The following PAK1 variants were observed in gnomAD, a reference collection of about 807,000 sequenced individuals.
PAK1 encodes p21 (RAC1) activated kinase 1.
A neutral mutation model predicts 67.4 loss-of-function variants in PAK1; 29 were observed. The ratio of observed to expected loss-of-function variants is 0.43; its 90% CI spans 0.32 to 0.59. The LOEUF is 0.59. Ranked by LOEUF, PAK1 falls within the 20% of genes least tolerant of loss-of-function variation. The probability of loss-of-function intolerance (pLI) is 0.07; values close to 1 mark genes in which losing one functional copy is unlikely to be tolerated. For missense variants in PAK1, 337 were observed against 670.7 expected (o/e 0.50, Z 5.50); for synonymous variants, 223 against 237.4 (o/e 0.94, Z 0.56).
intron 1 of PAK1, among the ~76,000 whole-genome samples, chr11:77,458,438 A>C (rs1278670228): frequency 6.6e-6 from 1 of 152,140 alleles, no homozygotes; most frequent in Non-Finnish European, 1.5e-5. Context: ...GTCATTACCC[A>C]CATTAATTCT....
the PAK1 span, among the ~76,000 whole-genome samples, chr11:77,491,125 T>TAAAAAAA: frequency 2.2e-5 from 1 of 44,602 alleles, no homozygotes; most frequent in Non-Finnish European, 5.0e-5. Context: ...GAATGATCAA[T>TAAAAAAA]AAAAAAAAAA....
chr11:77,454,404 C>G (rs1030963454), intron 1 of PAK1, among the ~76,000 whole-genome samples: 1 of 152,180 alleles, frequency 6.6e-6, no homozygotes, highest in African/African-American at 2.4e-5. Context: ...ACCTTGTGAG[C>G]TAGACATTCA....
At chr11:77,466,139 T>C (rs1417405659) in intron 1 of PAK1, among the ~76,000 whole-genome samples, 1 of 152,126 alleles carries the variant, frequency 6.6e-6, no homozygotes, top group African/African-American at 2.4e-5. Context: ...TCCCAGTGTA[T>C]CACAGAGAAA....
At chr11:77,513,670 C>CAAA in the PAK1 span, among the ~76,000 whole-genome samples, 26 of 52,938 alleles carry the variant, frequency 4.9e-4, no homozygotes, top group African/African-American at 1.7e-3. Flanking sequence ...GACTCTGTCT[C>CAAA]AAAAAAAAAA....
At chr11:77,375,757 C>A (rs575989325) in intron 4 of PAK1, among the ~76,000 whole-genome samples, 5 of 152,074 alleles carry the variant, frequency 3.3e-5, no homozygotes, top group Admixed American at 3.3e-4. Context: ...TTCTTTAATT[C>A]CCCTGGGTCC....
At chr11:77,502,801 T>A in the PAK1 span, among the ~76,000 whole-genome samples, 1 of 152,126 alleles carries the variant, frequency 6.6e-6, no homozygotes, top group Non-Finnish European at 1.5e-5. Flanking sequence ...ACATATCTGC[T>A]TGTAAGGACT....
At chr11:77,514,036 C>A in the PAK1 span, among the ~76,000 whole-genome samples, 7 of 152,080 alleles carry the variant, frequency 4.6e-5, no homozygotes, top group Non-Finnish European at 1.5e-5. Flanking sequence ...ATAACTTTCC[C>A]AAGGTCAAAC....
At chr11:77,490,271 C>G in the PAK1 span, among the ~76,000 whole-genome samples, 171 of 127,880 alleles carry the variant, frequency 1.3e-3, 3 homozygotes, top group African/African-American at 5.0e-3. Context: ...CGCCCCGTCT[C>G]AGAGGGAGGT....
At position 77,336,121 on chromosome 11, in the gene PAK1, C is replaced by T; in HGVS notation, c.1378G>A (p.Gly460Arg). Residue 460 changes from glycine to arginine, a missense_variant, in exon 13 of 15, where the codon GGG becomes AGG. This residue lies in a region of PAK1 where 71 missense variants were observed against 160.5 expected (regional missense o/e 0.44). Transcript: ENST00000356341. Reference protein sequence around the residue: ...LGIMAIEMIEGEPPYLNENPL... With the variant: ...LGIMAIEMIEREPPYLNENPL... ...TTTTCATTGAGGTATGGAGGCTCCC[C>T]TTCAATCATTTCGATGGCCATGATG... is the stretch of plus-strand genomic sequence containing the variant. 6.2e-7 allele frequency: 1 copy of T among 1,613,008 alleles called. No homozygotes were observed. Among genetic ancestry groups the T allele is most frequent in the Non-Finnish European group, 8.5e-7 (1 of 1,179,064 alleles).
chr11:77,349,955 A>G (rs1219966229), intron 8 of PAK1, among the ~76,000 whole-genome samples: 2 of 152,176 alleles, frequency 1.3e-5, no homozygotes, highest in African/African-American at 4.8e-5. Context: ...TACTGGTTAC[A>G]TAGGCGTGTT....
chr11:77,352,398 G>A lies in PAK1; in HGVS notation c.836+1138C>T, dbSNP rs114447707. Among the ~76,000 whole-genome samples, 1,213 of 152,306 alleles carry A rather than the reference G, an allele frequency of 8.0e-3. 21 individuals are homozygous for A. Among genetic ancestry groups the A allele is most frequent in the African/African-American group, 0.028 (1,165 of 41,574 alleles). On this transcript the variant is annotated intron_variant, in intron 8 of 14. Coordinates refer to ENST00000356341, the MANE Select transcript of PAK1 (RefSeq NM_002576.5). ...AGACAGTCATGTGTCACATAACGAC[G>A]TTTCAGTCAACGATGGACCGCATAT...
At chr11:77,466,426 AC>A (rs1846667919) in intron 1 of PAK1, among the ~76,000 whole-genome samples, 1 of 152,064 alleles carries the variant, frequency 6.6e-6, no homozygotes, top group South Asian at 2.1e-4. Flanking sequence ...ACACGGTGAA[AC>A]CCTGTCTCTA....
At chr11:77,474,392 G>T (rs979048371), upstream of PAK1, 1 of 152,294 alleles carries the variant, frequency 6.6e-6, no homozygotes, top group African/African-American at 2.4e-5. Flanking sequence ...GGAATCACCC[G>T]CTTGCTGCGT....
At position 77,331,296 on chromosome 11, in the gene PAK1, A is replaced by G. The variant is rs534630120; in HGVS notation, c.1551+1434T>C. ...CATCCCATTACTGGGTATATACCCAAAGGATTATAAATCATGCTGCTGTAA... is the reference window on the plus strand; with the variant it reads ...CATCCCATTACTGGGTATATACCCAGAGGATTATAAATCATGCTGCTGTAA... On this transcript the variant is annotated intron_variant, in intron 14 of 14. Transcript: ENST00000356341. Among the ~76,000 whole-genome samples, 4 of 152,366 alleles carry G rather than the reference A, an allele frequency of 2.6e-5. No homozygotes were observed. In the East Asian group the frequency reaches 5.8e-4, roughly 22 times the overall value.
chr11:77,375,779 A>C (rs1949012976), intron 4 of PAK1, among the ~76,000 whole-genome samples: 1 of 152,182 alleles, frequency 6.6e-6, no homozygotes, highest in Non-Finnish European at 1.5e-5. Flanking sequence ...AGAAAAACTG[A>C]CTGCCAATTC....
At chr11:77,370,626 A>G (rs1948302633) in intron 5 of PAK1, among the ~76,000 whole-genome samples, 1 of 152,160 alleles carries the variant, frequency 6.6e-6, no homozygotes, top group African/African-American at 2.4e-5. Context: ...GCTCTGATCA[A>G]TCTGACCTTT....
intron 1 of PAK1, among the ~76,000 whole-genome samples, chr11:77,413,421 G>A (rs561474993): frequency 2.0e-4 from 31 of 152,296 alleles, no homozygotes; most frequent in Non-Finnish European, 3.8e-4. Flanking sequence ...AACAGAATAC[G>A]ATGGTGAAAG....
At chr11:77,395,518 G>C (rs1360919067) in intron 1 of PAK1, among the ~76,000 whole-genome samples, 2 of 152,066 alleles carry the variant, frequency 1.3e-5, no homozygotes, top group South Asian at 2.1e-4. Flanking sequence ...ACTACACCTA[G>C]ACACAGCCTA....
chr11:77,326,928 C>A (rs1351651933), intron 14 of PAK1, among the ~76,000 whole-genome samples: 3 of 152,058 alleles, frequency 2.0e-5, no homozygotes, highest in Non-Finnish European at 2.9e-5. Flanking sequence ...TCAATGCAGA[C>A]AAGTCCTTAA....
Sources: gnomAD v4.1 joint callset for allele counts (sites outside exome capture counted in the v4.1 genomes callset) on GRCh38, gnomAD v4.1.1 for gene constraint, gnomAD v4.1.1 regional missense constraint, MANE v1.5 for transcripts, NCBI Gene and HGNC (gene_info 2026-07-23, HGNC 2026-07-21) for gene names.